Variants in PTPRG observed in about 807,000 individuals in gnomAD.
The protein encoded by PTPRG is receptor-type tyrosine-protein phosphatase gamma.
PTPRG carries 102 observed loss-of-function variants against 165.3 expected under a neutral mutation model. That is an observed-to-expected ratio of 0.62 (90% CI 0.53 to 0.73). The LOEUF (loss-of-function observed/expected upper bound fraction) is 0.73, where lower values mean the gene tolerates loss of function less well. PTPRG is among the 30% of genes least tolerant of loss of function. The pLI, the probability that PTPRG is intolerant of heterozygous loss-of-function variation, is 0.00. For missense variants in PTPRG, 1,866 were observed against 1,861.4 expected (o/e 1.00, Z -0.05); for synonymous variants, 675 against 669.5 (o/e 1.01, Z -0.13).
chr3:61,933,812 A>G (rs1428111318), intron 2 of PTPRG, among the ~76,000 whole-genome samples: 4 of 152,186 alleles, frequency 2.6e-5, no homozygotes, highest in African/African-American at 9.7e-5. Flanking sequence ...TGTCTCCTCA[A>G]TGATACCAGT....
chr3:61,899,432 G>C (rs1446622858), intron 2 of PTPRG, among the ~76,000 whole-genome samples: 1 of 152,200 alleles, frequency 6.6e-6, no homozygotes, highest in Non-Finnish European at 1.5e-5. Context: ...AAACAGTTGT[G>C]TTTGAGAGTG....
intron 2 of PTPRG, among the ~76,000 whole-genome samples, chr3:61,768,988 T>G (rs1276043220): frequency 2.0e-5 from 3 of 152,194 alleles, no homozygotes; most frequent in African/African-American, 7.2e-5. Context: ...ACTATGCCAA[T>G]TTACATTAGA....
chr3:61,854,977 A>C (rs976914166), intron 2 of PTPRG, among the ~76,000 whole-genome samples: 1 of 152,164 alleles, frequency 6.6e-6, no homozygotes, highest in African/African-American at 2.4e-5. Flanking sequence ...TAGTAGAGGG[A>C]ATGCCGCTGG....
intron 2 of PTPRG, among the ~76,000 whole-genome samples, chr3:61,784,561 C>G (rs1398805135): frequency 6.6e-6 from 1 of 152,102 alleles, no homozygotes; most frequent in Non-Finnish European, 1.5e-5. Flanking sequence ...TCACTTTAAG[C>G]TTCCACAAGA....
At position 62,269,100 on chromosome 3, in the gene PTPRG, G is replaced by A. The variant is rs988937771; in HGVS notation, c.2940G>A (p.Leu980=). The change falls in exon 20 of 30, where the codon CTG becomes CTA. Residue 980 remains leucine, a synonymous_variant. Coordinates refer to ENST00000474889, the MANE Select transcript of PTPRG (RefSeq NM_002841.4). The stretch of plus-strand genomic sequence containing the variant: ...AATATGGAAACATTATTGTCACGCT[G>A]AAGAGCACAAAAATACATGCCTGCT... ...SEEYGNIIVT[L]KSTKIHACYT... is the part of the protein sequence containing the mutation. 6.2e-7 allele frequency: 1 copy of A among 1,608,972 alleles called. No homozygotes were observed. The highest frequency in any genetic ancestry group is 1.7e-4 in the Middle Eastern group (1 of 6,048).
rs148669780 is a variant in PTPRG at position 61,795,211 on chromosome 3, G to A, written c.190+46229G>A. Among the ~76,000 whole-genome samples, 307 of 152,246 alleles carry A rather than the reference G, an allele frequency of 2.0e-3. 2 individuals carry two copies. The highest frequency in any genetic ancestry group is 6.3e-3 in the African/African-American group (260 of 41,538). On this transcript the variant is annotated intron_variant, in intron 2 of 29. Coordinates refer to ENST00000474889, the MANE Select transcript of PTPRG (RefSeq NM_002841.4). ...GTAGTGGGGCTGGGATTTCAGTCAT[G>A]GTGATCTGAGTCTATTGCTCATGTG...
chr3:61,916,270 T>C (rs934030418), intron 2 of PTPRG, among the ~76,000 whole-genome samples: 1 of 152,224 alleles, frequency 6.6e-6, no homozygotes, highest in Admixed American at 6.5e-5. Flanking sequence ...TGGGTGTGTG[T>C]GTGTATAGAG....
intron 2 of PTPRG, among the ~76,000 whole-genome samples, chr3:61,870,742 G>GT (rs2037548090): frequency 6.6e-6 from 1 of 151,632 alleles, no homozygotes; most frequent in African/African-American, 2.4e-5. Context: ...CAAAATCTGT[G>GT]TAAGTGTTGT....
intron 2 of PTPRG, among the ~76,000 whole-genome samples, chr3:61,843,068 C>T (rs1450919486): frequency 6.6e-6 from 1 of 152,208 alleles, no homozygotes; most frequent in Non-Finnish European, 1.5e-5. Context: ...CTACTTCCCA[C>T]TTCATAGAAG....
At chr3:61,968,130 C>T (rs539800790) in intron 2 of PTPRG, among the ~76,000 whole-genome samples, 1 of 152,250 alleles carries the variant, frequency 6.6e-6, no homozygotes, top group East Asian at 1.9e-4. Flanking sequence ...TGGATGATGT[C>T]ATTTTGGCCA....
At chr3:62,278,707 T>A (rs917556341) in intron 26 of PTPRG, among the ~76,000 whole-genome samples, 2 of 152,048 alleles carry the variant, frequency 1.3e-5, no homozygotes, top group African/African-American at 4.8e-5. Flanking sequence ...TGCTCCAGCT[T>A]CAGGATACCA....
chr3:62,200,376 T>G (rs1455922014), intron 10 of PTPRG, among the ~76,000 whole-genome samples: 1 of 152,186 alleles, frequency 6.6e-6, no homozygotes, highest in Non-Finnish European at 1.5e-5. Flanking sequence ...ATTCAAGCGA[T>G]TCTCCTGCCT....
At chr3:61,653,218 T>C (rs926769474) in intron 1 of PTPRG, among the ~76,000 whole-genome samples, 2 of 152,210 alleles carry the variant, frequency 1.3e-5, no homozygotes, top group Admixed American at 6.5e-5. Context: ...AGACGTATTG[T>C]ACATATAGGG....
intron 1 of PTPRG, among the ~76,000 whole-genome samples, chr3:61,628,081 A>G (rs1264227993): frequency 2.0e-5 from 3 of 152,230 alleles, no homozygotes; most frequent in African/African-American, 7.2e-5. Context: ...CCTAGTCTCA[A>G]CATTAAGCCA....
At chr3:62,099,091 T>C (rs932184818) in intron 5 of PTPRG, among the ~76,000 whole-genome samples, 3 of 152,352 alleles carry the variant, frequency 2.0e-5, no homozygotes, top group Admixed American at 2.0e-4. Flanking sequence ...TTATTTGCTC[T>C]TGAAATTCCC....
chr3:61,643,205 G>T (rs1702109767), intron 1 of PTPRG, among the ~76,000 whole-genome samples: 1 of 152,098 alleles, frequency 6.6e-6, no homozygotes, highest in African/African-American at 2.4e-5. Context: ...AGGGAAGATT[G>T]CTTGACCCCA....
chr3:61,723,539 A>G (rs752504334), intron 1 of PTPRG, among the ~76,000 whole-genome samples: 5 of 152,224 alleles, frequency 3.3e-5, no homozygotes, highest in Non-Finnish European at 7.3e-5. Context: ...AGTAAAAATG[A>G]TGGCTACTGT....
chr3:61,841,430 T>A (rs1384221169), intron 2 of PTPRG, among the ~76,000 whole-genome samples: 1 of 152,184 alleles, frequency 6.6e-6, no homozygotes, highest in Non-Finnish European at 1.5e-5. Flanking sequence ...GAGAAAAAAA[T>A]ATCTTTGTCC....
At chr3:61,879,847 C>T (rs977403911) in intron 2 of PTPRG, among the ~76,000 whole-genome samples, 8 of 152,102 alleles carry the variant, frequency 5.3e-5, no homozygotes, top group African/African-American at 1.9e-4. Flanking sequence ...ATATTTTTAT[C>T]CTAGCTCAGC....
Sources: allele counts gnomAD v4.1 joint callset (sites outside exome capture counted in the v4.1 genomes callset), GRCh38; gene constraint gnomAD v4.1.1; transcripts MANE v1.5; gene names NCBI Gene and HGNC (gene_info 2026-07-23, HGNC 2026-07-21).